The following ODC1 variants were observed in gnomAD, a reference collection of about 807,000 sequenced individuals.
ODC1 encodes the protein ornithine decarboxylase 1.
ODC1 carries 18 observed loss-of-function variants against 41.5 expected under a neutral mutation model. The observed-to-expected ratio is 0.43, with a 90% confidence interval of 0.30 to 0.64. The LOEUF (loss-of-function observed/expected upper bound fraction) is 0.64. Among genes scored for constraint, ODC1 ranks in the 30% least tolerant of loss-of-function variants. The pLI is 0.11. For synonymous variants in ODC1, 218 were observed against 211.6 expected, an observed-to-expected ratio of 1.03 and a Z score of -0.26; for missense variants, 504 against 589.0, an observed-to-expected ratio of 0.86 and a Z score of 1.49.
chr2:10,445,550 G>A (rs1671984738), intron 1 of ODC1, among the ~76,000 whole-genome samples: 1 of 152,198 alleles, frequency 6.6e-6, no homozygotes, highest in Non-Finnish European at 1.5e-5. Flanking sequence ...TCTGCACTTA[G>A]CTCACTGATA....
rs1308485355 is a variant in ODC1 at position 10,441,743 on chromosome 2, G to A, written c.1027-20C>T. The A allele has an allele frequency of 6.2e-6, 10 of 1,612,750 alleles. No homozygotes were observed. Among genetic ancestry groups the A allele is most frequent in the Middle Eastern group, 3.3e-4 (2 of 6,082 alleles). Reference sequence around the variant, plus strand: ...AGGTCTCTATATAAAGAGACGGAGAGAGGAAGTACTACTTAATTACACGTG... The same window carrying A: ...AGGTCTCTATATAAAGAGACGGAGAAAGGAAGTACTACTTAATTACACGTG... On this transcript the variant is annotated intron_variant, in intron 10 of 11. Coordinates refer to ENST00000234111, the MANE Select transcript of ODC1 (RefSeq NM_002539.3).
chr2:10,443,332 G>T lies in ODC1; in HGVS notation c.667-19C>A. ...CCTCAGCCTAGAATCAAGAAAATAA[G>T]TCAGCCAGATCCACAGCTAATAACA... On this transcript the variant is annotated intron_variant, in intron 7 of 11. Transcript: ENST00000234111. 3 of 1,606,066 alleles carry T rather than the reference G, an allele frequency of 1.9e-6. No individual in the cohort carries two copies. Among genetic ancestry groups the T allele is most frequent in the Non-Finnish European group, 2.6e-6 (3 of 1,176,142 alleles).
intron 5 of ODC1, 129 bp from the exon 6 acceptor site, chr2:10,443,965 G>T: frequency 6.9e-7 from 1 of 1,456,180 alleles, no homozygotes; most frequent in Non-Finnish European, 9.3e-7. Flanking sequence ...CAGGCTTCAT[G>T]ACTCAATGGG....
At chr2:10,447,622 A>G (rs1263248836) in intron 1 of ODC1, 1 of 152,254 alleles carries the variant, frequency 6.6e-6, no homozygotes, top group Non-Finnish European at 1.5e-5. Context: ...TCTTAGCTCT[A>G]CCCACTCTCG....
Position 10,444,279 on chromosome 2 carries a change from G to A in ODC1, c.277-12C>T. 6.4e-7 allele frequency: 1 copy of A among 1,565,894 alleles called. No individual in the cohort carries two copies. Among genetic ancestry groups the A allele is most frequent in the Non-Finnish European group, 8.6e-7 (1 of 1,159,420 alleles). On this transcript the variant is annotated splice_polypyrimidine_tract_variant and intron_variant, in intron 4 of 11. Coordinates refer to ENST00000234111, the MANE Select transcript of ODC1 (RefSeq NM_002539.3). Reference sequence around the variant, plus strand: ...AACTGTATTTCAGTCTGAAAAAGAAGAGTGGTGTCATGCTATCCATATGTG... The same window carrying A: ...AACTGTATTTCAGTCTGAAAAAGAAAAGTGGTGTCATGCTATCCATATGTG...
chr2:10,444,944 T>C lies in ODC1; in HGVS notation c.89A>G (p.Glu30Gly). Residue 30 changes from glutamate to glycine, a missense_variant, in exon 3 of 12, where the codon GAA becomes GGA. Glu to Gly is a moderately conservative substitution (Grantham distance 98, BLOSUM62 -2). Around this residue, in one of 3 missense-constraint regions of ODC1, gnomAD observed 53 missense variants for 46.3 expected, o/e 1.14. Coordinates refer to ENST00000234111, the MANE Select transcript of ODC1 (RefSeq NM_002539.3). The stretch of plus-strand genomic sequence containing the variant: ...TCATATACTTACAGAAGAAGAAACT[T>C]CATTAATTTTCTGGTCCAGAATGTC... ...AKDILDQKINEVSSSDDKDAF... is the reference protein window; with the variant it reads ...AKDILDQKINGVSSSDDKDAF... 6.2e-7 allele frequency: 1 copy of C among 1,611,912 alleles called. No individual in the cohort carries two copies. Among genetic ancestry groups the C allele is most frequent in the Non-Finnish European group, 8.5e-7 (1 of 1,178,084 alleles).
rs1671932285 is a variant in ODC1 at position 10,444,086 on chromosome 2, A to G, written c.449+9T>C. 1 of 1,579,010 alleles carries G rather than the reference A, an allele frequency of 6.3e-7. No individual in the cohort carries two copies. Among genetic ancestry groups the G allele is most frequent in the Non-Finnish European group, 8.6e-7 (1 of 1,163,414 alleles). ...CCCGATCTTGCCCTCAGATGGGGGA[A>G]TAACTCACTTTGCTTTGGGATGTGC... On this transcript the variant is annotated intron_variant, in intron 5 of 11. Transcript: ENST00000234111.
rs773219488 is a variant in ODC1 at position 10,444,095 on chromosome 2, T to C, written c.449A>G (p.Lys150Arg). 3 of 1,584,130 alleles carry C rather than the reference T, an allele frequency of 1.9e-6. No individual in the cohort carries two copies. In the South Asian group the frequency reaches 3.5e-5, roughly 18 times the overall value. The change falls in exon 5 of 12, where the codon AAG (lysine) becomes AGG (arginine). Residue 150 changes from lysine to arginine, a missense_variant and splice_region_variant. By Grantham distance (26) the Lys-to-Arg change is conservative. Coordinates refer to ENST00000234111, the MANE Select transcript of ODC1 (RefSeq NM_002539.3). Reference protein sequence around the residue: ...MKVARAHPKAKLVLRIATDDS... With the variant: ...MKVARAHPKARLVLRIATDDS... ...GCCCTCAGATGGGGGAATAACTCAC[T>C]TTGCTTTGGGATGTGCTCTGGCAAC...
In ODC1 at chr2:10,443,368, C is replaced by A. The variant is rs1031591392; in HGVS notation, c.667-55G>T. ...CCACAGCTAATAACAAAAATGTATGCAGCAGATAGGCTGAAACCCATGTAA... is the reference window on the plus strand; with the variant it reads ...CCACAGCTAATAACAAAAATGTATGAAGCAGATAGGCTGAAACCCATGTAA... On this transcript the variant is annotated intron_variant, in intron 7 of 11. Coordinates refer to ENST00000234111, the MANE Select transcript of ODC1 (RefSeq NM_002539.3). 5.1e-6 allele frequency: 8 copies of A among 1,569,824 alleles called. No individual in the cohort carries two copies. In the Admixed American group the frequency reaches 1.2e-4, roughly 24 times the overall value.
In ODC1 at chr2:10,441,894, AATAC is replaced by A; in HGVS notation, c.945_948del (p.Met315IlefsTer3). 6.2e-7 allele frequency: 1 copy of A among 1,614,198 alleles called. No homozygotes were observed. The highest frequency in any genetic ancestry group is 8.5e-7 in the Non-Finnish European group (1 of 1,180,032). ...GATCCATAGACGCCATCATTCACAT[AATAC>A]ATAAAGGTCTGCTCACTCGACTCAT... On this transcript the variant is annotated frameshift_variant, in exon 10 of 12. Coordinates refer to ENST00000234111, the MANE Select transcript of ODC1 (RefSeq NM_002539.3). LOFTEE classifies it high-confidence loss of function.
At position 10,441,887 on chromosome 2, in the gene ODC1, T is replaced by C; in HGVS notation, c.956A>G (p.Asn319Ser). Reference protein sequence around the residue: ...SSEQTFMYYVNDGVYGSFNCI... With the variant: ...SSEQTFMYYVSDGVYGSFNCI... ...ATTAAATGATCCATAGACGCCATCA[T>C]TCACATAATACATAAAGGTCTGCTC... Residue 319 changes from asparagine to serine, a missense_variant, in exon 10 of 12, where the codon AAT becomes AGT. Asn to Ser is a conservative substitution (Grantham distance 46). This residue lies in a region of ODC1 where 447 missense variants were observed against 524.4 expected (regional missense o/e 0.85). Coordinates refer to ENST00000234111, the MANE Select transcript of ODC1 (RefSeq NM_002539.3). 1 of 1,614,204 alleles carries C rather than the reference T, an allele frequency of 6.2e-7. No individual in the cohort carries two copies. The highest frequency in any genetic ancestry group is 8.5e-7 in the Non-Finnish European group (1 of 1,180,042).
Position 10,444,924 on chromosome 2 carries a change from T to C in ODC1, c.102+7A>G. On this transcript the variant is annotated splice_region_variant and intron_variant, in intron 3 of 11. Coordinates refer to ENST00000234111, the MANE Select transcript of ODC1 (RefSeq NM_002539.3). ...CTGCACTGCCAGCATGGGCCTCATA[T>C]ACTTACAGAAGAAGAAACTTCATTA... The C allele has an allele frequency of 1.9e-6, 3 of 1,600,066 alleles. No homozygotes were observed. Among genetic ancestry groups the C allele is most frequent in the Non-Finnish European group, 2.6e-6 (3 of 1,167,544 alleles).
intron 4 of ODC1, 87 bp downstream of exon 4, chr2:10,444,387 G>A: frequency 6.6e-7 from 1 of 1,509,640 alleles, no homozygotes; most frequent in South Asian, 1.3e-5. Flanking sequence ...AGCATTTATT[G>A]CCCAAAAAAC....
intron 1 of ODC1, among the ~76,000 whole-genome samples, chr2:10,445,950 C>CTTCCA (rs1671998767): frequency 6.6e-6 from 1 of 152,186 alleles, no homozygotes; most frequent in Non-Finnish European, 1.5e-5. Context: ...ACATTTCCTA[C>CTTCCA]TTCCACTAAG....
Position 10,440,791 on chromosome 2 carries a change from G to C in ODC1, c.1319C>G (p.Ser440Cys). 6.2e-7 allele frequency: 1 copy of C among 1,614,152 alleles called. No individual in the cohort carries two copies. The highest frequency in any genetic ancestry group is 8.5e-7 in the Non-Finnish European group (1 of 1,180,020). ...EEQDASTLPV[S>C]CAWESGMKRH... ...TTTCATCCCACTCTCCCAGGCACAA[G>C]ACACAGGCAGGGTGCTGGCATCCTG... Residue 440 changes from serine (S) to cysteine (C), a missense_variant, in exon 12 of 12, where the codon TCT (serine) becomes TGT (cysteine). By Grantham distance (112) the Ser-to-Cys change is moderately radical. Transcript: ENST00000234111.
At position 10,444,788 on chromosome 2, in the gene ODC1, CTATT is replaced by C; in HGVS notation, c.102+139_102+142del. ...ACTGATATGAGTATCACCATTATCACTATTAATTTACCACCAGTGAATTAATTTC... is the reference window on the plus strand; with the variant it reads ...ACTGATATGAGTATCACCATTATCACAATTTACCACCAGTGAATTAATTTC... On this transcript the variant is annotated intron_variant, in intron 3 of 11. Coordinates refer to ENST00000234111, the MANE Select transcript of ODC1 (RefSeq NM_002539.3). The C allele has an allele frequency of 3.6e-6, 3 of 826,892 alleles. No homozygotes were observed. In the South Asian group the frequency reaches 5.1e-5, roughly 14 times the overall value. The allele number at this position is 826,892 out of a possible 1,614,324, so 51.2% of individuals were successfully genotyped here.
Position 10,442,019 on chromosome 2 carries a change from G to C in ODC1, c.906C>G (p.Gly302=), listed in dbSNP as rs1047415770. 2 of 1,613,402 alleles carry C rather than the reference G, an allele frequency of 1.2e-6. No homozygotes were observed. The highest frequency in any genetic ancestry group is 2.7e-5 in the African/African-American group (2 of 74,858). Residue 302 remains glycine (G), a synonymous_variant, in exon 9 of 12, where the codon GGC becomes GGG. Transcript: ENST00000234111. ...TTCGTCCTTTATACATACCATCAGA[G>C]CCCGTCTGTTCCTTTAATACAATTT... The part of the protein sequence containing the change: ...AKKIVLKEQT[G]SDDEDESSEQ...
chr2:10,445,324 G>A (rs1355084565), intron 1 of ODC1, 60 bp from the exon 2 acceptor site: 2 of 340,938 alleles, frequency 5.9e-6, no homozygotes, highest in East Asian at 7.5e-5. Context: ...TTGAAGATGG[G>A]GCACTGGCTG....
Position 10,442,024 on chromosome 2 carries a change from T to C in ODC1, c.901A>G (p.Thr301Ala), listed in dbSNP as rs771023223. ...IAKKIVLKEQ[T>A]GSDDEDESSE... ...CCTTTATACATACCATCAGAGCCCG[T>C]CTGTTCCTTTAATACAATTTTCTTG... The change falls in exon 9 of 12, where the codon ACG becomes GCG. Residue 301 changes from threonine (T) to alanine (A), a missense_variant. Coordinates refer to ENST00000234111, the MANE Select transcript of ODC1 (RefSeq NM_002539.3). 6.2e-7 allele frequency: 1 copy of C among 1,613,834 alleles called. No individual in the cohort carries two copies. The highest frequency in any genetic ancestry group is 8.5e-7 in the Non-Finnish European group (1 of 1,179,766).
Sources: allele counts gnomAD v4.1 joint callset (sites outside exome capture counted in the v4.1 genomes callset), GRCh38; gene constraint gnomAD v4.1.1; regional missense constraint gnomAD v4.1.1; transcripts MANE v1.5; gene names NCBI Gene and HGNC (gene_info 2026-07-23, HGNC 2026-07-21).